Variants in EPB41L3 observed in about 807,000 individuals in gnomAD.
EPB41L3 encodes the protein erythrocyte membrane protein band 4.1 like 3, also known as band 4.1-like protein 3.
In EPB41L3, 57 loss-of-function variants were observed where a neutral mutation model predicts 127.1. The ratio of observed to expected loss-of-function variants is 0.45; its 90% CI spans 0.36 to 0.56. The LOEUF (loss-of-function observed/expected upper bound fraction) is 0.56. Ranked by LOEUF, EPB41L3 falls within the 20% of genes least tolerant of loss-of-function variation. The pLI, the probability that EPB41L3 is intolerant of heterozygous loss-of-function variation, is 0.00. For synonymous variants in EPB41L3, 572 were observed against 549.5 expected, an observed-to-expected ratio of 1.04 and a Z score of -0.57; for missense variants, 1,273 against 1,372.2, an observed-to-expected ratio of 0.93 and a Z score of 1.14.
At chr18:5,612,794 G>A (rs2144064097) in intron 2 of EPB41L3, among the ~76,000 whole-genome samples, 1 of 152,338 alleles carries the variant, frequency 6.6e-6, no homozygotes, top group Non-Finnish European at 1.5e-5. Flanking sequence ...AGACTAGAGT[G>A]CAGTGGCACA....
chr18:5,534,070 G>A (rs2093496319), intron 1 of EPB41L3, among the ~76,000 whole-genome samples: 1 of 152,200 alleles, frequency 6.6e-6, no homozygotes, highest in African/African-American at 2.4e-5. Flanking sequence ...GTCTGAGGCA[G>A]GAGAATGGCA....
At chr18:5,630,536 C>G, upstream of EPB41L3, 1 of 517,056 alleles carries the variant, frequency 1.9e-6, no homozygotes. Flanking sequence ...TCTCCGGGGT[C>G]CAGTCTCGGG....
chr18:5,580,387 A>C (rs1407656721), intron 3 of EPB41L3, among the ~76,000 whole-genome samples: 2 of 152,130 alleles, frequency 1.3e-5, no homozygotes, highest in Non-Finnish European at 2.9e-5. Context: ...ACACATACTC[A>C]TGCCATGTGT....
intron 22 of EPB41L3, 132 bp from the exon 23 acceptor site, chr18:5,393,610 A>G: frequency 1.7e-6 from 1 of 583,270 alleles, no homozygotes; most frequent in South Asian, 2.2e-5. Context: ...TTCCAGCGTT[A>G]AGTCACTGCC....
chr18:5,587,498 T>A (rs1422685262), intron 3 of EPB41L3, among the ~76,000 whole-genome samples: 1 of 152,190 alleles, frequency 6.6e-6, no homozygotes, highest in Non-Finnish European at 1.5e-5. Context: ...AAAGAGTATA[T>A]ACAGGGTTCA....
At chr18:5,478,146 G>T in intron 3 of EPB41L3, 95 bp downstream of exon 3, 3 of 1,096,950 alleles carry the variant, frequency 2.7e-6, no homozygotes, top group Non-Finnish European at 3.9e-6. Flanking sequence ...ATTTTCCAGA[G>T]TCCTAGAAAA....
chr18:5,450,090 G>A (rs1184077896), intron 3 of EPB41L3, among the ~76,000 whole-genome samples: 1 of 152,000 alleles, frequency 6.6e-6, no homozygotes, highest in Non-Finnish European at 1.5e-5. Flanking sequence ...TAATGGGGGG[G>A]ACTACTGTAC....
At chr18:5,405,569 C>A (rs1234703673) in intron 16 of EPB41L3, among the ~76,000 whole-genome samples, 1 of 151,962 alleles carries the variant, frequency 6.6e-6, no homozygotes, top group Non-Finnish European at 1.5e-5. Context: ...GGTGGTGAAT[C>A]TTTTGAGGTC....
intron 1 of EPB41L3, among the ~76,000 whole-genome samples, chr18:5,493,686 A>G (rs1425146563): frequency 6.6e-6 from 1 of 151,898 alleles, no homozygotes; most frequent in African/African-American, 2.4e-5. Flanking sequence ...GTAGGGCCCT[A>G]CCTCTCTACT....
At chr18:5,621,346 T>G (rs908776237) in intron 1 of EPB41L3, among the ~76,000 whole-genome samples, 35 of 152,212 alleles carry the variant, frequency 2.3e-4, no homozygotes, top group African/African-American at 8.2e-4. Context: ...GAGTGGTGAC[T>G]GAGTCAAAGA....
At chr18:5,422,586 A>C (rs1343507673) in intron 11 of EPB41L3, among the ~76,000 whole-genome samples, 1 of 152,252 alleles carries the variant, frequency 6.6e-6, no homozygotes, top group Non-Finnish European at 1.5e-5. Context: ...CAGGTGCTCC[A>C]AATGAGAAGA....
chr18:5,543,833 C>G lies in EPB41L3; in HGVS notation c.-12+80G>C. On this transcript the variant is annotated intron_variant, in intron 1 of 22. Transcript: ENST00000341928. The surrounding 1 kb of genome is among the most constrained non-coding windows in gnomAD (Gnocchi z 5.2). ...CCCCACTGTCCCGCGCGCCTCGCCC[C>G]AGGCCTCGGGCTCTTCCTCCGCACC... 11 of 972,406 alleles carry G rather than the reference C, an allele frequency of 1.1e-5. No individual in the cohort carries two copies. Among genetic ancestry groups the G allele is most frequent in the Non-Finnish European group, 1.3e-5 (11 of 818,298 alleles). The allele number at this position is 972,406 out of a possible 1,614,324, so 60.2% of individuals were successfully genotyped here. A position where few individuals can be genotyped will look rare whatever the true frequency, so the allele number is the denominator to read the frequency against.
intron 1 of EPB41L3, among the ~76,000 whole-genome samples, chr18:5,520,231 T>C (rs2092930597): frequency 6.6e-6 from 1 of 152,210 alleles, no homozygotes; most frequent in African/African-American, 2.4e-5. Flanking sequence ...TGAGTCATAG[T>C]GTATTAATCT....
At chr18:5,588,364 T>G (rs1012682903) in intron 3 of EPB41L3, among the ~76,000 whole-genome samples, 3 of 152,048 alleles carry the variant, frequency 2.0e-5, no homozygotes, top group African/African-American at 7.2e-5. Context: ...TATAAATGAG[T>G]AACCTAAAAC....
chr18:5,536,403 C>T (rs2093572998), intron 1 of EPB41L3, among the ~76,000 whole-genome samples: 1 of 150,674 alleles, frequency 6.6e-6, no homozygotes, highest in Admixed American at 6.6e-5. Context: ...ATCAATATTG[C>T]ACAAGACCAA....
intron 1 of EPB41L3, among the ~76,000 whole-genome samples, chr18:5,618,457 AGCGACATT>A (rs1242703510): frequency 2.0e-5 from 3 of 152,234 alleles, no homozygotes; most frequent in Admixed American, 6.5e-5. Context: ...AGAATAGCTT[AGCGACATT>A]GCTCAACCTA....
chr18:5,401,043 T>C (rs1216751524), intron 16 of EPB41L3: 2 of 1,532,772 alleles, frequency 1.3e-6, no homozygotes, highest in Non-Finnish European at 1.7e-6. Context: ...TCTTCTTTGG[T>C]CTGTTTGAAT....
At chr18:5,594,463 G>A (rs1020352701) in intron 3 of EPB41L3, among the ~76,000 whole-genome samples, 7 of 152,024 alleles carry the variant, frequency 4.6e-5, no homozygotes, top group African/African-American at 1.7e-4. Flanking sequence ...TTTCTCTGAA[G>A]GCCTTGCATT....
chr18:5,544,323 C>T, upstream of EPB41L3: 1 of 985,408 alleles, frequency 1.0e-6, no homozygotes, highest in Non-Finnish European at 1.2e-6. Context: ...AGACCCCTCT[C>T]CCCTCCCAGA....
Sources: allele counts gnomAD v4.1 joint callset (sites outside exome capture counted in the v4.1 genomes callset), GRCh38; gene constraint gnomAD v4.1.1; non-coding constraint Gnocchi (gnomAD v3.1); transcripts MANE v1.5; gene names NCBI Gene and HGNC (gene_info 2026-07-23, HGNC 2026-07-21).